Variants in DNAJC1 observed in about 807,000 individuals in gnomAD.
DNAJC1 encodes the protein DnaJ heat shock protein family (Hsp40) member C1.
A neutral mutation model predicts 76.6 loss-of-function variants in DNAJC1; 58 were observed. The ratio of observed to expected loss-of-function variants is 0.76; its 90% CI spans 0.61 to 0.94. The LOEUF is 0.94. Among genes scored for constraint, DNAJC1 ranks in the 40% least tolerant of loss-of-function variants. DNAJC1 has a pLI of 0.00. For missense variants in DNAJC1, 689 were observed against 677.3 expected, an observed-to-expected ratio of 1.02 and a Z score of -0.19; for synonymous variants, 258 against 267.9, an observed-to-expected ratio of 0.96 and a Z score of 0.36.
At chr10:21,827,487 A>G (rs1261868333) in intron 8 of DNAJC1, among the ~76,000 whole-genome samples, 1 of 152,234 alleles carries the variant, frequency 6.6e-6, no homozygotes, top group Non-Finnish European at 1.5e-5. Flanking sequence ...TAGAAGTCAG[A>G]AATCAAGGTT....
chr10:21,769,977 C>T (rs1289247404), intron 9 of DNAJC1, among the ~76,000 whole-genome samples: 4 of 152,120 alleles, frequency 2.6e-5, no homozygotes, highest in South Asian at 2.1e-4. Context: ...TGAGCCACTG[C>T]GCCCGGCCTA....
intron 1 of DNAJC1, among the ~76,000 whole-genome samples, chr10:21,953,250 T>C (rs1395068045): frequency 6.6e-6 from 1 of 152,088 alleles, no homozygotes; most frequent in Middle Eastern, 3.2e-3. Flanking sequence ...CTAGGCATAA[T>C]AATATAGATG....
chr10:21,762,811 T>C (rs1163016504), intron 10 of DNAJC1, among the ~76,000 whole-genome samples: 2 of 152,206 alleles, frequency 1.3e-5, no homozygotes, highest in Non-Finnish European at 1.5e-5. Flanking sequence ...GTTTGAAAGA[T>C]TTACAGGTTA....
chr10:21,994,571 G>C (rs112884589), intron 1 of DNAJC1, among the ~76,000 whole-genome samples: 7 of 152,144 alleles, frequency 4.6e-5, no homozygotes, highest in African/African-American at 1.7e-4. Flanking sequence ...GGTGGATCAC[G>C]AGGTCAGGAG....
chr10:21,813,677 T>G (rs1471173715), intron 8 of DNAJC1, among the ~76,000 whole-genome samples: 2 of 152,184 alleles, frequency 1.3e-5, no homozygotes, highest in African/African-American at 4.8e-5. Context: ...CGTGAGCCAC[T>G]GCGCCCAGCC....
At chr10:21,872,856 C>A (rs921506000) in intron 8 of DNAJC1, among the ~76,000 whole-genome samples, 1 of 152,076 alleles carries the variant, frequency 6.6e-6, no homozygotes, top group Non-Finnish European at 1.5e-5. Context: ...GAGGAGACCA[C>A]CCCTCATATT....
chr10:21,900,884 T>C (rs1836641058), intron 7 of DNAJC1, among the ~76,000 whole-genome samples: 2 of 152,206 alleles, frequency 1.3e-5, no homozygotes, highest in South Asian at 4.1e-4. Flanking sequence ...TTTCTCAATC[T>C]ATTTTTCCTT....
chr10:21,944,167 A>C (rs1029709283), intron 1 of DNAJC1, among the ~76,000 whole-genome samples: 2 of 89,664 alleles, frequency 2.2e-5, no homozygotes, highest in African/African-American at 3.8e-5. Context: ...TCATCACATA[A>C]AGGTTTTTTT....
chr10:21,782,828 A>C (rs954143870), intron 9 of DNAJC1, among the ~76,000 whole-genome samples: 1 of 152,252 alleles, frequency 6.6e-6, no homozygotes, highest in Admixed American at 6.5e-5. Flanking sequence ...AGATGCAGAA[A>C]GGCCTTTGAC....
intron 8 of DNAJC1, among the ~76,000 whole-genome samples, chr10:21,840,368 A>C (rs1373313301): frequency 6.6e-6 from 1 of 152,220 alleles, no homozygotes; most frequent in African/African-American, 2.4e-5. Context: ...GTCTCGGCCC[A>C]AAATCTCCTC....
intron 10 of DNAJC1, among the ~76,000 whole-genome samples, chr10:21,764,569 T>A (rs368058795): frequency 7.9e-5 from 12 of 152,364 alleles, no homozygotes; most frequent in African/African-American, 2.6e-4. Flanking sequence ...TCAAACACTT[T>A]GAAAGGTATC....
At chr10:21,781,547 C>A (rs558599173) in intron 9 of DNAJC1, among the ~76,000 whole-genome samples, 150 of 151,990 alleles carry the variant, frequency 9.9e-4, no homozygotes, top group African/African-American at 3.4e-3. Flanking sequence ...CGGTGAAACC[C>A]CGTCTCTACT....
chr10:21,849,111 A>G (rs1251653368), intron 8 of DNAJC1, among the ~76,000 whole-genome samples: 2 of 151,678 alleles, frequency 1.3e-5, no homozygotes, highest in African/African-American at 2.4e-5. Flanking sequence ...CCAACATGAC[A>G]AAACCCTGTT....
intron 8 of DNAJC1, among the ~76,000 whole-genome samples, chr10:21,822,065 C>A (rs1182557613): frequency 6.6e-6 from 1 of 152,122 alleles, no homozygotes; most frequent in African/African-American, 2.4e-5. Flanking sequence ...ATACTGGAAT[C>A]TAATTACCAT....
intron 9 of DNAJC1, among the ~76,000 whole-genome samples, chr10:21,796,605 TTC>T (rs1434873794): frequency 2.0e-5 from 3 of 152,148 alleles, no homozygotes; most frequent in Non-Finnish European, 4.4e-5. Context: ...CTGCCAACAC[TTC>T]TTTTTGTTTT....
At chr10:21,934,458 A>C (rs1365554877) in intron 1 of DNAJC1, among the ~76,000 whole-genome samples, 1 of 152,180 alleles carries the variant, frequency 6.6e-6, no homozygotes, top group Non-Finnish European at 1.5e-5. Flanking sequence ...TAGTGTACAG[A>C]AATGTCCTAG....
At chr10:21,807,799 T>C (rs1834903805) in intron 8 of DNAJC1, among the ~76,000 whole-genome samples, 1 of 152,234 alleles carries the variant, frequency 6.6e-6, no homozygotes, top group Non-Finnish European at 1.5e-5. Flanking sequence ...TTGGGTCTGG[T>C]CGGAATTTCT....
chr10:21,804,982 C>T (rs907985986), intron 9 of DNAJC1, among the ~76,000 whole-genome samples: 1 of 152,030 alleles, frequency 6.6e-6, no homozygotes, highest in African/African-American at 2.4e-5. Context: ...AATTTCTGTA[C>T]GTTTCTTTCT....
rs1837012869 is a variant in DNAJC1 at position 21,919,888 on chromosome 10, C to CT, written c.578dup (p.Thr194AspfsTer18). On this transcript the variant is annotated frameshift_variant, in exon 5 of 12. Transcript: ENST00000376980. LOFTEE classifies it high-confidence loss of function. ...ATACATCCACACTCTTGCTGCCAGT[C>CT]TTTTTTTTCTTTTCTCTCTTTTTTC... is the stretch of plus-strand genomic sequence containing the variant. 14 of 1,607,138 alleles carry CT rather than the reference C, an allele frequency of 8.7e-6. No homozygotes were observed. Among genetic ancestry groups the CT allele is most frequent in the Admixed American group, 3.4e-5 (2 of 59,096 alleles).
Sources: gnomAD v4.1 joint callset for allele counts (sites outside exome capture counted in the v4.1 genomes callset) on GRCh38, gnomAD v4.1.1 for gene constraint, MANE v1.5 for transcripts, NCBI Gene and HGNC (gene_info 2026-07-23, HGNC 2026-07-21) for gene names.